SOX5: variants seen among roughly 807,000 people sequenced by gnomAD.
SOX5 encodes the protein SRY-box transcription factor 5.
Under a neutral mutation model 92.0 loss-of-function variants are expected in SOX5, and 9 were observed. The observed-to-expected ratio is 0.10, with a 90% confidence interval of 0.06 to 0.17. SOX5 has a LOEUF of 0.17. Ranked by LOEUF, SOX5 falls within the 10% of genes least tolerant of loss-of-function variation. The pLI, the probability that SOX5 is intolerant of heterozygous loss-of-function variation, is 1.00. For synonymous variants in SOX5, 344 were observed against 336.3 expected (o/e 1.02, Z -0.25); for missense variants, 642 against 944.5 (o/e 0.68, Z 4.20).
chr12:24,337,127 C>A (rs1952006125), intron 2 of SOX5, among the ~76,000 whole-genome samples: 5 of 152,082 alleles, frequency 3.3e-5, no homozygotes, highest in African/African-American at 1.2e-4. Flanking sequence ...CAATAATTAC[C>A]CACTATGTAT....
rs540368508 is a variant in SOX5 at position 24,046,305 on chromosome 12, G to T, written c.-1-150281C>A. ...CGGGTCTAAATTTTCTGGTGAACTCGAAATGGAATCTGTTCTGAAGAGCTG... is the reference window on the plus strand; with the variant it reads ...CGGGTCTAAATTTTCTGGTGAACTCTAAATGGAATCTGTTCTGAAGAGCTG... On this transcript the variant is annotated intron_variant, in intron 4 of 4. Coordinates refer to the SOX5 transcript ENST00000446891. 7.9e-5 allele frequency among the ~76,000 whole-genome samples: 12 copies of T among 152,262 alleles called. No individual in the cohort carries two copies. The South Asian group carries it at 2.3e-3, about 29-fold the overall frequency.
In SOX5 at chr12:24,373,133, A is replaced by AC. The variant is rs1226499428; in HGVS notation, c.-250-4495_-250-4494insG. Among the ~76,000 whole-genome samples the AC allele has an allele frequency of 2.6e-5, 4 of 151,830 alleles. No homozygotes were observed. In the East Asian group the frequency reaches 7.7e-4, roughly 29 times the overall value. The stretch of plus-strand genomic sequence containing the variant: ...GACCCAGTGTCAAGAGGAAAAAAAA[A>AC]ACCAGACTTGGAAAACAACCATATG... On this transcript the variant is annotated intron_variant, in intron 1 of 4. Transcript: ENST00000446891.
rs534140689 is a variant in SOX5, at chr12:23,588,854, C to G, written c.1165-13016G>C. 1.9e-4 allele frequency among the ~76,000 whole-genome samples: 29 copies of G among 151,808 alleles called. No individual in the cohort carries two copies. In the South Asian group the frequency reaches 5.2e-3, roughly 27 times the overall value. ...ACAGTGGTCCCATAAGATTATAATA[C>G]TATATTTTTACTATACCTTTTCTAT... On this transcript the variant is annotated intron_variant, in intron 9 of 14. Transcript: ENST00000451604.
chr12:23,611,114 T>C (rs2075895124), intron 8 of SOX5, among the ~76,000 whole-genome samples: 2 of 152,140 alleles, frequency 1.3e-5, no homozygotes, highest in African/African-American at 4.8e-5. Flanking sequence ...TAATTTTCTA[T>C]TTTATAAAAT....
intron 4 of SOX5, among the ~76,000 whole-genome samples, chr12:24,175,820 C>T (rs1326940811): frequency 6.6e-6 from 1 of 151,982 alleles, no homozygotes; most frequent in Non-Finnish European, 1.5e-5. Context: ...TATCTCCTGA[C>T]TGTACTAAAA....
At chr12:23,882,450 T>C (rs957841455) in intron 2 of SOX5, among the ~76,000 whole-genome samples, 1 of 151,802 alleles carries the variant, frequency 6.6e-6, no homozygotes, top group African/African-American at 2.4e-5. Context: ...GCCTTTAGGA[T>C]GTTCATGCAG....
At chr12:23,671,555 C>T (rs1009694849) in intron 6 of SOX5, among the ~76,000 whole-genome samples, 26 of 152,120 alleles carry the variant, frequency 1.7e-4, no homozygotes, top group Admixed American at 1.7e-3. Context: ...AAGTAACTTT[C>T]CACCATTAGC....
intron 1 of SOX5, among the ~76,000 whole-genome samples, chr12:24,453,276 A>C (rs1043809525): frequency 2.0e-5 from 3 of 150,978 alleles, no homozygotes; most frequent in African/African-American, 7.3e-5. Context: ...CCTTAAAAAA[A>C]AGGCACTATG....
At chr12:23,534,701 TTTC>T (rs1565592000) in intron 14 of SOX5, among the ~76,000 whole-genome samples, 179 bp from the exon 15 acceptor site, 1 of 136,264 alleles carries the variant, frequency 7.3e-6, no homozygotes, top group Non-Finnish European at 1.6e-5. Context: ...TTTCTTTTCT[TTTC>T]TTTTTTTTTT....
intron 1 of SOX5, among the ~76,000 whole-genome samples, chr12:24,496,205 A>C (rs948373627): frequency 6.6e-6 from 1 of 152,180 alleles, no homozygotes; most frequent in Non-Finnish European, 1.5e-5. Context: ...TACACAAGCA[A>C]AAATACCTAT....
intron 2 of SOX5, among the ~76,000 whole-genome samples, chr12:24,284,020 T>TAAA (rs2140438737): frequency 6.6e-6 from 1 of 152,326 alleles, no homozygotes; most frequent in South Asian, 2.1e-4. Context: ...GTGGTTGGGT[T>TAAA]AAATGGACGT....
intron 1 of SOX5, among the ~76,000 whole-genome samples, chr12:24,538,564 G>A (rs1951841848): frequency 6.7e-6 from 1 of 149,716 alleles, no homozygotes; most frequent in Admixed American, 6.7e-5. Flanking sequence ...CTCTCTGCCA[G>A]ATGTTGGCAT....
intron 1 of SOX5, among the ~76,000 whole-genome samples, chr12:24,399,692 T>C (rs1046841825): frequency 3.3e-5 from 5 of 152,196 alleles, no homozygotes; most frequent in Admixed American, 6.5e-5. Context: ...AGGAAGACTA[T>C]GGAAGTATGC....
At chr12:24,260,147 A>T (rs1941874626) in intron 3 of SOX5, among the ~76,000 whole-genome samples, 1 of 152,182 alleles carries the variant, frequency 6.6e-6, no homozygotes, top group Admixed American at 6.5e-5. Context: ...AGTGAGGAAG[A>T]AGTAACAGAA....
At chr12:24,266,973 G>C (rs955592072) in intron 3 of SOX5, among the ~76,000 whole-genome samples, 2 of 152,072 alleles carry the variant, frequency 1.3e-5, no homozygotes, top group African/African-American at 4.8e-5. Flanking sequence ...GGTTTCTTTT[G>C]ATGAGAATTT....
chr12:23,681,436 A>C (rs1259578259), intron 6 of SOX5, among the ~76,000 whole-genome samples: 1 of 151,946 alleles, frequency 6.6e-6, no homozygotes, highest in Non-Finnish European at 1.5e-5. Context: ...GAGTAAGCTC[A>C]TCAGTTAAAA....
intron 1 of SOX5, among the ~76,000 whole-genome samples, chr12:24,400,196 T>G (rs2136622778): frequency 6.6e-6 from 1 of 152,328 alleles, no homozygotes. Flanking sequence ...GAAGTCAAAT[T>G]TCAGTTGAAA....
chr12:23,928,091 T>C (rs1197904483), intron 1 of SOX5, among the ~76,000 whole-genome samples: 3 of 152,008 alleles, frequency 2.0e-5, no homozygotes, highest in Middle Eastern at 3.4e-3. Context: ...GGAAGGACAG[T>C]GGAGTACAGC....
Position 24,039,597 on chromosome 12 carries a change from A to G in SOX5, c.-1-143573T>C, listed in dbSNP as rs1172731302. Among the ~76,000 whole-genome samples the G allele has an allele frequency of 3.9e-5, 6 of 152,224 alleles. No homozygotes were observed. The East Asian group carries it at 1.2e-3, about 29-fold the overall frequency. On this transcript the variant is annotated intron_variant, in intron 4 of 4. Coordinates refer to the SOX5 transcript ENST00000446891. ...GGAAACATATATACCTGAGGTAGTT[A>G]AAGTTCAAATGGTTGCAAAATGGTA...
Sources: allele counts gnomAD v4.1 joint callset (sites outside exome capture counted in the v4.1 genomes callset), GRCh38; gene constraint gnomAD v4.1.1; transcripts MANE v1.5; gene names NCBI Gene and HGNC (gene_info 2026-07-23, HGNC 2026-07-21).